The following TBC1D8B variants were observed in gnomAD, a reference collection of about 807,000 sequenced individuals.
The protein encoded by TBC1D8B is RP11-321G1.1.
A neutral mutation model predicts 82.9 loss-of-function variants in TBC1D8B; 75 were observed. The observed-to-expected ratio is 0.90, with a 90% confidence interval of 0.75 to 1.10. The LOEUF is 1.10. Ranked by LOEUF, TBC1D8B falls within the 50% of genes least tolerant of loss-of-function variation. The probability of loss-of-function intolerance (pLI) is 0.00; values close to 1 mark genes in which losing one functional copy is unlikely to be tolerated. For synonymous variants in TBC1D8B, 276 were observed against 276.8 expected, an observed-to-expected ratio of 1.00 and a Z score of 0.03; for missense variants, 794 against 796.9, an observed-to-expected ratio of 1.00 and a Z score of 0.04.
chrX:106,843,162 A>C (rs1392960878), intron 10 of TBC1D8B, among the ~76,000 whole-genome samples: 1 of 110,914 alleles, frequency 9.0e-6, no homozygotes, highest in Non-Finnish European at 1.9e-5. Context: ...TTCATGTACA[A>C]GTTTTTTATG....
chrX:106,853,194 T>C (rs966937495), intron 12 of TBC1D8B, among the ~76,000 whole-genome samples: 2 of 111,449 alleles, frequency 1.8e-5, no homozygotes, highest in African/African-American at 3.3e-5. Flanking sequence ...CAATTGTAAA[T>C]GGGAGTTCAC....
chrX:106,812,290 C>T (rs910264231), intron 1 of TBC1D8B, among the ~76,000 whole-genome samples: 1 of 111,605 alleles, frequency 9.0e-6, no homozygotes, highest in African/African-American at 3.3e-5. Context: ...AGTGTATTGG[C>T]AGTTTACTAA....
chrX:106,837,097 G>T (rs897490984), intron 7 of TBC1D8B, among the ~76,000 whole-genome samples: 1 of 111,975 alleles, frequency 8.9e-6, no homozygotes, highest in Admixed American at 9.5e-5. Flanking sequence ...AACTCTCAGA[G>T]AACACATAGG....
At chrX:106,865,170 T>C (rs1285398667) in intron 14 of TBC1D8B, among the ~76,000 whole-genome samples, 1 of 111,664 alleles carries the variant, frequency 9.0e-6, no homozygotes, top group Non-Finnish European at 1.9e-5. Flanking sequence ...CCCAATGCCT[T>C]TGAAGTATTT....
Position 106,802,821 on chromosome X carries a change from A to G in TBC1D8B, c.-33A>G. On this transcript the variant is annotated 5_prime_UTR_variant, in exon 1 of 21. Coordinates refer to ENST00000357242, the MANE Select transcript of TBC1D8B (RefSeq NM_017752.3). Reference sequence around the variant, plus strand: ...TGAGAGTGAGGTGAGGAGGGCATCTAGGTCACTGCTCCCGGGGGGCACAAA... The same window carrying G: ...TGAGAGTGAGGTGAGGAGGGCATCTGGGTCACTGCTCCCGGGGGGCACAAA... The G allele has an allele frequency of 8.3e-7, 1 of 1,208,758 alleles. No individual in the cohort carries two copies. The highest frequency in any genetic ancestry group is 1.1e-6 in the Non-Finnish European group (1 of 893,765).
At chrX:106,819,771 C>G (rs1158751744) in intron 2 of TBC1D8B, among the ~76,000 whole-genome samples, 2 of 110,372 alleles carry the variant, frequency 1.8e-5, no homozygotes, top group African/African-American at 6.6e-5. Flanking sequence ...AATCTCAACT[C>G]TAAATCTGGT....
chrX:106,814,267 T>A (rs1209167922), intron 1 of TBC1D8B: 1 of 109,807 alleles, frequency 9.1e-6, no homozygotes, highest in Non-Finnish European at 1.9e-5. Context: ...TTGATGGACA[T>A]TTGGCTTGGT....
At position 106,802,739 on chromosome X, in the gene TBC1D8B, G is replaced by C; in HGVS notation, c.-115G>C. 1 of 1,077,094 alleles carries C rather than the reference G, an allele frequency of 9.3e-7. No individual in the cohort carries two copies. Among genetic ancestry groups the C allele is most frequent in the Non-Finnish European group, 1.3e-6 (1 of 791,990 alleles). 88.8% of individuals were successfully genotyped at this position (1,077,094 alleles called of 1,213,427 possible). On this transcript the variant is annotated 5_prime_UTR_variant, in exon 1 of 21. Coordinates refer to ENST00000357242, the MANE Select transcript of TBC1D8B (RefSeq NM_017752.3). ...GGAAGTGTGGAAAACCTGAACCTGAGCTGCTGTCGCCTGAGGAAGATTTGG... is the reference window on the plus strand; with the variant it reads ...GGAAGTGTGGAAAACCTGAACCTGACCTGCTGTCGCCTGAGGAAGATTTGG...
intron 14 of TBC1D8B, among the ~76,000 whole-genome samples, chrX:106,865,181 A>C (rs1339898245): frequency 9.0e-6 from 1 of 111,675 alleles, no homozygotes; most frequent in Non-Finnish European, 1.9e-5. Flanking sequence ...TGAAGTATTT[A>C]ATAGCAACCT....
intron 7 of TBC1D8B, among the ~76,000 whole-genome samples, chrX:106,834,907 T>G (rs760997596): frequency 2.7e-5 from 3 of 112,126 alleles, no homozygotes; most frequent in East Asian, 5.7e-4. Flanking sequence ...TCCTGGCTGC[T>G]TTCACAGGCT....
intron 14 of TBC1D8B, among the ~76,000 whole-genome samples, chrX:106,863,154 C>T (rs959607075): frequency 3.6e-5 from 4 of 112,052 alleles, no homozygotes; most frequent in African/African-American, 1.3e-4. Flanking sequence ...GCTGGGTGCT[C>T]GTAGGAGCCT....
At chrX:106,812,941 T>C (rs1312122104) in intron 1 of TBC1D8B, among the ~76,000 whole-genome samples, 5 of 111,112 alleles carry the variant, frequency 4.5e-5, no homozygotes, top group African/African-American at 1.3e-4. Flanking sequence ...TGATGCAACC[T>C]CCGCCTCCCG....
In TBC1D8B at chrX:106,810,905, C is replaced by G. The variant is rs766565073; in HGVS notation, c.131-7758C>G. On this transcript the variant is annotated intron_variant, in intron 1 of 20. Transcript: ENST00000357242. ...TGAAGGATGATTAGTGTTACCCCCC[C>G]ACTTTTTTGGTAGCAGTGGAAAGAT... is the stretch of plus-strand genomic sequence containing the variant. Among the ~76,000 whole-genome samples the G allele has an allele frequency of 2.7e-5, 3 of 111,318 alleles. No homozygotes were observed. In the South Asian group the frequency reaches 1.2e-3, roughly 43 times the overall value.
chrX:106,853,530 C>T lies in TBC1D8B; in HGVS notation c.2133C>T (p.Asp711=). The part of the protein sequence containing the change: ...EAVTALNRFF[D]NVTNKDSPLP... ...TATCACTTTTCAATAGGTTCTTTGA[C>T]AATGTCACTAATAAGGATAGTCCAT... Residue 711 remains aspartate, a synonymous_variant, in exon 13 of 21, where the codon GAC becomes GAT. Transcript: ENST00000357242. 8.3e-7 allele frequency: 1 copy of T among 1,206,916 alleles called. No homozygotes were observed. Among genetic ancestry groups the T allele is most frequent in the South Asian group, 1.8e-5 (1 of 56,450 alleles).
intron 9 of TBC1D8B, 147 bp downstream of exon 9, chrX:106,840,345 G>A (rs1184188589): frequency 1.7e-6 from 1 of 604,813 alleles, no homozygotes; most frequent in African/African-American, 2.3e-5. Flanking sequence ...AGAAAGAAAG[G>A]TAAGTAGTTA....
At chrX:106,871,569 C>G (rs907636617) in intron 20 of TBC1D8B, among the ~76,000 whole-genome samples, 1 of 111,469 alleles carries the variant, frequency 9.0e-6, no homozygotes, top group Admixed American at 9.5e-5. Context: ...GGTTTTCCCC[C>G]CAACCAAGCA....
intron 10 of TBC1D8B, among the ~76,000 whole-genome samples, chrX:106,847,146 A>C (rs1932473702): frequency 8.9e-6 from 1 of 111,962 alleles, no homozygotes. Flanking sequence ...ATTTATATAA[A>C]AAAGATAACC....
At chrX:106,810,140 CA>C (rs1350738564) in intron 1 of TBC1D8B, among the ~76,000 whole-genome samples, 19 of 111,588 alleles carry the variant, frequency 1.7e-4, no homozygotes, top group African/African-American at 6.2e-4. Context: ...TTCCTAAAAG[CA>C]GTGATTAATA....
At chrX:106,816,272 C>T (rs1338532332) in intron 1 of TBC1D8B, among the ~76,000 whole-genome samples, 2 of 111,423 alleles carry the variant, frequency 1.8e-5, no homozygotes, top group Non-Finnish European at 3.8e-5. Flanking sequence ...CAATAACAAA[C>T]AGAGAGCCAA....
Sources: gnomAD v4.1 joint callset for allele counts (sites outside exome capture counted in the v4.1 genomes callset) on GRCh38, gnomAD v4.1.1 for gene constraint, MANE v1.5 for transcripts, NCBI Gene and HGNC (gene_info 2026-07-23, HGNC 2026-07-21) for gene names.